The following PSD3 variants were observed in gnomAD, a reference collection of about 807,000 sequenced individuals.
The protein encoded by PSD3 is PH and SEC7 domain-containing protein 3.
PSD3 carries 49 observed loss-of-function variants against 105.5 expected under a neutral mutation model. The observed-to-expected ratio is 0.46, with a 90% CI of 0.37 to 0.59. The LOEUF is 0.59. PSD3 is among the 20% of genes least tolerant of loss of function. The probability of loss-of-function intolerance (pLI) is 0.00; values close to 1 mark genes in which losing one functional copy is unlikely to be tolerated. For missense variants in PSD3, 1,561 were observed against 1,263.8 expected (o/e 1.24, Z -3.57); for synonymous variants, 557 against 457.8 (o/e 1.22, Z -2.77).
At chr8:18,789,302 C>A (rs1371508526) in intron 8 of PSD3, among the ~76,000 whole-genome samples, 1 of 152,096 alleles carries the variant, frequency 6.6e-6, no homozygotes, top group Non-Finnish European at 1.5e-5. Context: ...TGATACACTG[C>A]AACCGACTAT....
intron 4 of PSD3, among the ~76,000 whole-genome samples, chr8:18,809,871 A>C (rs1352964222): frequency 6.6e-6 from 1 of 152,284 alleles, no homozygotes; most frequent in East Asian, 1.9e-4. Context: ...ACAAAACAAA[A>C]ACAAAAACAC....
intron 6 of PSD3, chr8:18,803,361 A>T (rs1810894629): frequency 6.7e-6 from 1 of 149,498 alleles, no homozygotes; most frequent in Non-Finnish European, 1.5e-5. Context: ...TAGGAAAAAA[A>T]TCTAATTCTA....
At chr8:18,916,297 GATATATATATATATATATATATATAT>G (rs71218908) in intron 2 of PSD3, among the ~76,000 whole-genome samples, 578 of 31,292 alleles carry the variant, frequency 0.018, 21 homozygotes, top group African/African-American at 0.055. Flanking sequence ...TAAAAAAAGT[GATATATATATATATATATATATATAT>G]ATATATATAT....
intron 14 of PSD3, among the ~76,000 whole-genome samples, chr8:18,558,582 G>A (rs1188520600): frequency 5.3e-5 from 8 of 152,128 alleles, no homozygotes; most frequent in Non-Finnish European, 1.2e-4. Context: ...CAGCACTTTG[G>A]GAGGCTGAGG....
chr8:18,800,487 C>A (rs1810581720), intron 7 of PSD3, among the ~76,000 whole-genome samples: 1 of 152,164 alleles, frequency 6.6e-6, no homozygotes, highest in Non-Finnish European at 1.5e-5. Flanking sequence ...TCTTGGGAAT[C>A]TAGTCTCAGT....
chr8:18,605,184 A>C (rs1408782653), intron 11 of PSD3, among the ~76,000 whole-genome samples: 1 of 152,198 alleles, frequency 6.6e-6, no homozygotes, highest in Non-Finnish European at 1.5e-5. Flanking sequence ...AGTCAATGCC[A>C]TCCCATGAGC....
chr8:18,681,795 T>A (rs954245452), intron 9 of PSD3, among the ~76,000 whole-genome samples: 1 of 152,074 alleles, frequency 6.6e-6, no homozygotes, highest in African/African-American at 2.4e-5. Flanking sequence ...CACTAGATAA[T>A]CCTAAAAATA....
chr8:18,973,366 C>CTT (rs1285551592), intron 1 of PSD3, among the ~76,000 whole-genome samples: 3 of 152,196 alleles, frequency 2.0e-5, no homozygotes, highest in Admixed American at 2.0e-4. Context: ...GTTCTGAAGG[C>CTT]TGGAAGTCCA....
At chr8:18,723,149 C>G (rs562074112) in intron 9 of PSD3, among the ~76,000 whole-genome samples, 1 of 152,152 alleles carries the variant, frequency 6.6e-6, no homozygotes, top group Admixed American at 6.5e-5. Context: ...AAGAGTGACC[C>G]ACAGTATTTC....
chr8:18,671,354 T>A (rs1799773105), intron 9 of PSD3, among the ~76,000 whole-genome samples: 1 of 152,190 alleles, frequency 6.6e-6, no homozygotes, highest in Non-Finnish European at 1.5e-5. Flanking sequence ...AAGCATGCCC[T>A]CCAATTTTAC....
chr8:18,752,612 CATATA>C lies in PSD3; in HGVS notation c.2172+12832_2172+12836del, dbSNP rs1326539852. ...TATATATTATATATTATATATAATACATATAATATATATTATATATAATATATATA... is the reference window on the plus strand; with the variant it reads ...TATATATTATATATTATATATAATACATATATATTATATATAATATATATA... On this transcript the variant is annotated intron_variant, in intron 9 of 15. Coordinates refer to ENST00000327040, the MANE Select transcript of PSD3 (RefSeq NM_015310.4). Among the ~76,000 whole-genome samples, 133 of 51,590 alleles carry C rather than the reference CATATA, an allele frequency of 2.6e-3. 4 individuals are homozygous for C. Among genetic ancestry groups the C allele is most frequent in the African/African-American group, 0.011 (122 of 11,248 alleles). 33.8% of individuals were successfully genotyped at this position (51,590 alleles called of 152,430 possible). A position where few individuals can be genotyped will look rare whatever the true frequency, so the allele number is the denominator to read the frequency against.
At chr8:18,655,984 T>C (rs973221485) in intron 9 of PSD3, among the ~76,000 whole-genome samples, 2 of 152,254 alleles carry the variant, frequency 1.3e-5, no homozygotes, top group East Asian at 1.9e-4. Context: ...AATTACACTG[T>C]GCATGCTATT....
chr8:18,796,301 G>A (rs1810172955), intron 8 of PSD3, among the ~76,000 whole-genome samples: 1 of 152,084 alleles, frequency 6.6e-6, no homozygotes, highest in East Asian at 1.9e-4. Flanking sequence ...CTGCTACCAT[G>A]TCTTCAGTGA....
intron 1 of PSD3, among the ~76,000 whole-genome samples, chr8:19,053,171 G>A (rs1828590046): frequency 6.6e-6 from 1 of 152,132 alleles, no homozygotes; most frequent in Non-Finnish European, 1.5e-5. Flanking sequence ...AAGTGTTAAA[G>A]TCATCTTAGG....
intron 9 of PSD3, among the ~76,000 whole-genome samples, chr8:18,714,288 T>G (rs1802439752): frequency 6.6e-6 from 1 of 151,984 alleles, no homozygotes; most frequent in Non-Finnish European, 1.5e-5. Flanking sequence ...TGAAATCTAA[T>G]TAAACTAAAG....
At chr8:18,574,331 T>A (rs1802344410) in intron 13 of PSD3, among the ~76,000 whole-genome samples, 1 of 152,192 alleles carries the variant, frequency 6.6e-6, no homozygotes, top group Admixed American at 6.5e-5. Context: ...CTGTCCAAAG[T>A]AATTAGATCT....
At chr8:18,815,066 TTATAAA>T (rs1168235389) in intron 4 of PSD3, among the ~76,000 whole-genome samples, 1 of 152,196 alleles carries the variant, frequency 6.6e-6, no homozygotes, top group Admixed American at 6.5e-5. Flanking sequence ...TAAAATATAC[TTATAAA>T]TATGAATTTA....
intron 6 of PSD3, among the ~76,000 whole-genome samples, chr8:18,802,850 A>C (rs1030979482): frequency 6.6e-6 from 1 of 152,236 alleles, no homozygotes; most frequent in Non-Finnish European, 1.5e-5. Context: ...AAAAAGTGAG[A>C]ATCAGTGAGT....
At chr8:18,831,279 C>A (rs957488998) in intron 4 of PSD3, among the ~76,000 whole-genome samples, 1 of 152,198 alleles carries the variant, frequency 6.6e-6, no homozygotes, top group Non-Finnish European at 1.5e-5. Context: ...TAGAATGGCT[C>A]TGAACTTAAG....
Sources: gnomAD v4.1 joint callset for allele counts (sites outside exome capture counted in the v4.1 genomes callset) on GRCh38, gnomAD v4.1.1 for gene constraint, MANE v1.5 for transcripts, NCBI Gene and HGNC (gene_info 2026-07-23, HGNC 2026-07-21) for gene names.